Variants in CHRNA4 observed in about 807,000 individuals in gnomAD.
The protein encoded by CHRNA4 is cholinergic receptor nicotinic alpha 4 subunit.
CHRNA4 carries 28 observed loss-of-function variants against 48.9 expected under a neutral mutation model. The ratio of observed to expected loss-of-function variants is 0.57; its 90% CI spans 0.42 to 0.79. The LOEUF (loss-of-function observed/expected upper bound fraction) is 0.79. CHRNA4 is among the 30% of genes least tolerant of loss of function. The probability of loss-of-function intolerance (pLI) is 0.00; values close to 1 mark genes in which losing one functional copy is unlikely to be tolerated. For synonymous variants in CHRNA4, 425 were observed against 402.3 expected (o/e 1.06, Z -0.68); for missense variants, 859 against 898.4 (o/e 0.96, Z 0.56).
chr20:63,347,995 G>A (rs45618935), intron 5 of CHRNA4, among the ~76,000 whole-genome samples: 6,156 of 152,298 alleles, frequency 0.04, 189 homozygotes, highest in South Asian at 0.13. Context: ...GCGGGGACGC[G>A]GCCGCCCTCT....
chr20:63,360,455 G>A (rs1022719227), intron 1 of CHRNA4, among the ~76,000 whole-genome samples: 1 of 152,222 alleles, frequency 6.6e-6, no homozygotes, highest in Admixed American at 6.5e-5. Context: ...CAGGTCCGGG[G>A]CCCCAGGATC....
At chr20:63,353,574 G>T (rs2068652277) in intron 4 of CHRNA4, among the ~76,000 whole-genome samples, 2 of 100,276 alleles carry the variant, frequency 2.0e-5, no homozygotes, top group South Asian at 4.1e-4. Context: ...TCCTGGGGGG[G>T]CTGCGGTCCT....
At chr20:63,358,839 C>T (rs185377095) in intron 2 of CHRNA4, among the ~76,000 whole-genome samples, 1 of 152,292 alleles carries the variant, frequency 6.6e-6, no homozygotes, top group East Asian at 1.9e-4. Flanking sequence ...CCGAGACCCC[C>T]AGACAGTCTG....
Position 63,344,939 on chromosome 20 carries a change from A to T in CHRNA4, c.*1799T>A. Reference sequence around the variant, plus strand: ...GGGCTGGGGATGCCCAGGATTTGGCACGGGGGTCTCTGTGTCCCACCCACT... The same window carrying T: ...GGGCTGGGGATGCCCAGGATTTGGCTCGGGGGTCTCTGTGTCCCACCCACT... On this transcript the variant is annotated 3_prime_UTR_variant, in exon 6 of 6. Transcript: ENST00000370263. The surrounding 1 kb of genome is among the most constrained non-coding windows in gnomAD (Gnocchi z 4.5). 3 of 404,952 alleles carry T rather than the reference A, an allele frequency of 7.4e-6. No individual in the cohort carries two copies. The highest frequency in any genetic ancestry group is 5.3e-5 in the South Asian group (3 of 56,312). The allele number at this position is 404,952 out of a possible 1,614,324, so 25.1% of individuals were successfully genotyped here.
chr20:63,355,833 G>C, intron 4 of CHRNA4, 142 bp downstream of exon 4: 1 of 1,178,394 alleles, frequency 8.5e-7, no homozygotes, highest in Non-Finnish European at 1.2e-6. Context: ...TCCTGGGCCT[G>C]GGCTGGCATG....
chr20:63,360,892 GTCAACTCCCTCCTCGCCTGGC>G, intron 1 of CHRNA4, 177 bp downstream of exon 1: 1 of 437,868 alleles, frequency 2.3e-6, no homozygotes, highest in Non-Finnish European at 4.0e-6. Flanking sequence ...TTCGCCGGCG[GTCAACTCCCTCCTCGCCTGGC>G]TCAGCCCGGG....
intron 4 of CHRNA4, among the ~76,000 whole-genome samples, chr20:63,353,765 C>T: frequency 3.2e-5 from 1 of 30,916 alleles, no homozygotes; most frequent in Non-Finnish European, 6.1e-5. Context: ...GGGCTGTAGT[C>T]CTAGGGGGCT....
In CHRNA4 at chr20:63,345,866, C is replaced by A. The variant is rs1403777572; in HGVS notation, c.*872G>T. Reference sequence around the variant, plus strand: ...TGGACTCCATTCGGGACCTTCCCAGCTCCGGGGAATCACAACACAGAAGTA... The same window carrying A: ...TGGACTCCATTCGGGACCTTCCCAGATCCGGGGAATCACAACACAGAAGTA... On this transcript the variant is annotated 3_prime_UTR_variant, in exon 6 of 6. Transcript: ENST00000370263. This position sits in a 1 kb window ranked among gnomAD's most constrained non-coding sequence, Gnocchi z 5.4. 2.2e-6 allele frequency: 1 copy of A among 452,946 alleles called. No homozygotes were observed. Among genetic ancestry groups the A allele is most frequent in the Non-Finnish European group, 4.4e-6 (1 of 226,040 alleles). 28.1% of individuals were successfully genotyped at this position (452,946 alleles called of 1,614,324 possible).
chr20:63,348,849 G>C (rs2068536957), intron 5 of CHRNA4, among the ~76,000 whole-genome samples: 1 of 150,594 alleles, frequency 6.6e-6, no homozygotes, highest in South Asian at 2.1e-4. Flanking sequence ...GAAGCTACCT[G>C]GTGCTGGGGT....
chr20:63,346,624 G>A lies in CHRNA4; in HGVS notation c.*114C>T, dbSNP rs201354711. 128 of 1,455,518 alleles carry A rather than the reference G, an allele frequency of 8.8e-5. 1 individual carries two copies. In the South Asian group the frequency reaches 1.5e-3, roughly 17 times the overall value. The allele number at this position is 1,455,518 out of a possible 1,614,324, so 90.2% of individuals were successfully genotyped here. A position where few individuals can be genotyped will look rare whatever the true frequency, so the allele number is the denominator to read the frequency against. ...GACACAGAACAGGAAGGAAAATTTGGCAAACGTGTGGCCCCACAGAGTCCA... is the reference window on the plus strand; with the variant it reads ...GACACAGAACAGGAAGGAAAATTTGACAAACGTGTGGCCCCACAGAGTCCA... On this transcript the variant is annotated 3_prime_UTR_variant, in exon 6 of 6. Transcript: ENST00000370263.
intron 4 of CHRNA4, 81 bp from the exon 5 acceptor site, chr20:63,351,108 C>G (rs976179632): frequency 2.7e-6 from 4 of 1,481,120 alleles, no homozygotes; most frequent in Admixed American, 4.0e-5. Flanking sequence ...CACACCCATG[C>G]CCACGTCCAC....
At position 63,350,191 on chromosome 20, in the gene CHRNA4, G is replaced by T. The variant is rs761335733; in HGVS notation, c.1220C>A (p.Ser407Tyr). 6.3e-7 allele frequency: 1 copy of T among 1,597,204 alleles called. No homozygotes were observed. Among genetic ancestry groups the T allele is most frequent in the African/African-American group, 1.3e-5 (1 of 74,864 alleles). Residue 407 changes from serine (S) to tyrosine (Y), a missense_variant, in exon 5 of 6, where the codon TCC becomes TAC. Ser to Tyr is a moderately radical substitution (Grantham distance 144). This residue lies in a region of CHRNA4 where 478 missense variants were observed against 455.4 expected (regional missense o/e 1.05). Coordinates refer to ENST00000370263, the MANE Select transcript of CHRNA4 (RefSeq NM_000744.7). ...CGGCACATCCAGGGGGACACAGAAG[G>T]ACGGTGAGGGCGGGTGCAGGCTCTG... is the stretch of plus-strand genomic sequence containing the variant. The part of the protein sequence containing the change: ...GTQSLHPPSP[S>Y]FCVPLDVPAE...
intron 4 of CHRNA4, among the ~76,000 whole-genome samples, chr20:63,353,395 G>A (rs890293025): frequency 2.0e-5 from 3 of 150,840 alleles, no homozygotes; most frequent in African/African-American, 4.9e-5. Flanking sequence ...GTGAGGAGGA[G>A]ACACAGGAGA....
chr20:63,348,719 G>T (rs1340888155), intron 5 of CHRNA4, among the ~76,000 whole-genome samples: 1 of 152,220 alleles, frequency 6.6e-6, no homozygotes, highest in Non-Finnish European at 1.5e-5. Flanking sequence ...CACAGCCGAG[G>T]CCGAGACCCC....
Position 63,351,222 on chromosome 20 carries a change from GCCCACATCCACA to G in CHRNA4, c.384-207_384-196del, listed in dbSNP as rs2068605950. 9.0e-6 allele frequency: 4 copies of G among 442,384 alleles called. 1 individual carries two copies. Among genetic ancestry groups the G allele is most frequent in the African/African-American group, 2.9e-5 (1 of 34,292 alleles). 27.4% of individuals were successfully genotyped at this position (442,384 alleles called of 1,614,324 possible). ...CATCCACACCCACGTCCACGTCCAC[GCCCACATCCACA>G]CCCACGTCCACGTCCACGTCCACGT... On this transcript the variant is annotated intron_variant, in intron 4 of 5. Coordinates refer to ENST00000370263, the MANE Select transcript of CHRNA4 (RefSeq NM_000744.7).
intron 4 of CHRNA4, among the ~76,000 whole-genome samples, chr20:63,352,793 C>T (rs1341441976): frequency 6.6e-6 from 1 of 152,146 alleles, no homozygotes; most frequent in Non-Finnish European, 1.5e-5. Context: ...GTCCTCTGCC[C>T]GCGCCACAGG....
At position 63,348,752 on chromosome 20, in the gene CHRNA4, G is replaced by A. The variant is rs45579033; in HGVS notation, c.1758+901C>T. 1.9e-3 allele frequency among the ~76,000 whole-genome samples: 113 copies of A among 58,110 alleles called. No homozygotes were observed. The East Asian group carries it at 0.051, about 26-fold the overall frequency. 38.1% of individuals were successfully genotyped at this position (58,110 alleles called of 152,430 possible). A position where few individuals can be genotyped will look rare whatever the true frequency, so the allele number is the denominator to read the frequency against. ...CCCCGGCCACCTGTGTGCCCCACCCGTCCCGCCCCATTATCCTGTCCGTGG... is the reference window on the plus strand; with the variant it reads ...CCCCGGCCACCTGTGTGCCCCACCCATCCCGCCCCATTATCCTGTCCGTGG... On this transcript the variant is annotated intron_variant, in intron 5 of 5. Coordinates refer to ENST00000370263, the MANE Select transcript of CHRNA4 (RefSeq NM_000744.7).
At chr20:63,353,361 C>T (rs893729106) in intron 4 of CHRNA4, among the ~76,000 whole-genome samples, 1 of 151,694 alleles carries the variant, frequency 6.6e-6, no homozygotes, top group Non-Finnish European at 1.5e-5. Context: ...ACTGGGGTCA[C>T]CCCACTACAT....
At chr20:63,354,679 G>A in intron 4 of CHRNA4, 1 of 985,842 alleles carries the variant, frequency 1.0e-6, no homozygotes, top group Non-Finnish European at 1.2e-6. Context: ...CCTGGGGGCT[G>A]CATTCCTGGA....
Sources: allele counts gnomAD v4.1 joint callset (sites outside exome capture counted in the v4.1 genomes callset), GRCh38; gene constraint gnomAD v4.1.1; regional missense constraint gnomAD v4.1.1; non-coding constraint Gnocchi (gnomAD v3.1); transcripts MANE v1.5; gene names NCBI Gene and HGNC (gene_info 2026-07-23, HGNC 2026-07-21).